SPMAP2: variants seen among roughly 807,000 people sequenced by gnomAD.
SPMAP2 encodes the protein Theg homolog.
At chr19:371,572 C>T in the SPMAP2 span, among the ~76,000 whole-genome samples, 1 of 152,258 alleles carries the variant, frequency 6.6e-6, no homozygotes, top group South Asian at 2.1e-4. Flanking sequence ...ACAGAGCTAC[C>T]ATCTCCCAGG....
chr19:364,303 C>G, the SPMAP2 span, among the ~76,000 whole-genome samples: 1 of 142,902 alleles, frequency 7.0e-6, no homozygotes, highest in Non-Finnish European at 1.5e-5. Context: ...CGCCACTGCG[C>G]TCCAGCCTGG....
chr19:370,743 C>T, the SPMAP2 span, among the ~76,000 whole-genome samples: 1 of 152,170 alleles, frequency 6.6e-6, no homozygotes, highest in African/African-American at 2.4e-5. Flanking sequence ...GGAATTGAAC[C>T]GGCGACGACA....
the SPMAP2 span, chr19:367,343 G>T: frequency 3.0e-6 from 3 of 985,654 alleles, no homozygotes; most frequent in South Asian, 1.9e-5. Flanking sequence ...GGAAGAAGTT[G>T]GTTTGTAATG....
the SPMAP2 span, chr19:362,153 A>G: frequency 1.1e-5 from 15 of 1,361,432 alleles, no homozygotes; most frequent in African/African-American, 1.5e-5. Flanking sequence ...GAATAATCAC[A>G]TACACAGGGT....
the SPMAP2 span, among the ~76,000 whole-genome samples, chr19:369,675 C>T: frequency 6.6e-6 from 1 of 152,244 alleles, no homozygotes; most frequent in South Asian, 2.1e-4. Flanking sequence ...CTGGTGCAGG[C>T]GGGCTGAGTC....
the SPMAP2 span, chr19:374,454 G>A: frequency 6.2e-7 from 1 of 1,613,578 alleles, no homozygotes; most frequent in Admixed American, 1.7e-5. Flanking sequence ...AGTTGGAGCT[G>A]CTTTCCCGCC....
At chr19:365,101 G>A in the SPMAP2 span, among the ~76,000 whole-genome samples, 1 of 152,222 alleles carries the variant, frequency 6.6e-6, no homozygotes, top group African/African-American at 2.4e-5. Context: ...CCATCTGAAT[G>A]GAAACTGCAG....
chr19:367,706 G>A, the SPMAP2 span, among the ~76,000 whole-genome samples: 34 of 152,212 alleles, frequency 2.2e-4, no homozygotes, highest in African/African-American at 8.2e-4. Flanking sequence ...TGCCACATAC[G>A]GGGACTCCTG....
the SPMAP2 span, among the ~76,000 whole-genome samples, chr19:365,534 TG>T: frequency 1.5e-5 from 1 of 65,272 alleles, no homozygotes; most frequent in South Asian, 4.5e-4. Context: ...ACAGCAAGTG[TG>T]AGCACACACA....
the SPMAP2 span, chr19:373,540 AG>A: frequency 1.9e-6 from 3 of 1,612,688 alleles, no homozygotes; most frequent in African/African-American, 4.0e-5. Flanking sequence ...GCCTGGAATA[AG>A]CGGACGGCTC....
At chr19:368,030 G>A in the SPMAP2 span, among the ~76,000 whole-genome samples, 12,395 of 152,076 alleles carry the variant, frequency 0.082, 625 homozygotes, top group South Asian at 0.11. This position sits in a 1 kb window ranked among gnomAD's most constrained non-coding sequence, Gnocchi z 4.1. Flanking sequence ...GAGACCTTGC[G>A]GACGTTTCAC....
At chr19:372,554 G>C in the SPMAP2 span, 1 of 1,478,202 alleles carries the variant, frequency 6.8e-7, no homozygotes, top group South Asian at 1.1e-5. Context: ...TTCCCACACA[G>C]CATCCTGTCA....
At chr19:374,533 C>G in the SPMAP2 span, 1 of 1,422,956 alleles carries the variant, frequency 7.0e-7, no homozygotes, top group East Asian at 2.4e-5. Context: ...CTCACCCTGC[C>G]CACCCGCCTC....
At chr19:372,999 G>A in the SPMAP2 span, among the ~76,000 whole-genome samples, 1 of 152,172 alleles carries the variant, frequency 6.6e-6, no homozygotes, top group African/African-American at 2.4e-5. Context: ...ACAGATCCAG[G>A]GACCCACAGG....
At chr19:371,216 G>T in the SPMAP2 span, 2 of 1,460,106 alleles carry the variant, frequency 1.4e-6, no homozygotes, top group Non-Finnish European at 1.8e-6. Flanking sequence ...TCAGACATGG[G>T]CATGCTCCAG....
the SPMAP2 span, chr19:374,082 C>G: frequency 6.5e-7 from 1 of 1,550,314 alleles, no homozygotes; most frequent in Admixed American, 1.8e-5. Context: ...AAACTCCTCA[C>G]TCTCCTTTGG....
At chr19:362,099 T>G in the SPMAP2 span, 1 of 800,218 alleles carries the variant, frequency 1.2e-6, no homozygotes, top group South Asian at 3.3e-5. Context: ...CATCCTTCTT[T>G]TGGCCTTCTA....
chr19:372,534 C>T, the SPMAP2 span: 1 of 1,288,428 alleles, frequency 7.8e-7, no homozygotes, highest in Non-Finnish European at 1.1e-6. Flanking sequence ...AGGGCTAGGA[C>T]CTGGACCCTT....
the SPMAP2 span, among the ~76,000 whole-genome samples, chr19:369,201 A>C: frequency 6.6e-6 from 1 of 152,204 alleles, no homozygotes; most frequent in Non-Finnish European, 1.5e-5. Flanking sequence ...ACGCGACCAC[A>C]CACAGTGAGG....
Sources: gnomAD v4.1 joint callset for allele counts (sites outside exome capture counted in the v4.1 genomes callset) on GRCh38, gnomAD v4.1.1 for gene constraint, Gnocchi (gnomAD v3.1) non-coding constraint, MANE v1.5 for transcripts, NCBI Gene and HGNC (gene_info 2026-07-23, HGNC 2026-07-21) for gene names.